TNFSF4: variants seen among roughly 807,000 people sequenced by gnomAD.
TNFSF4 encodes TNF superfamily member 4.
In TNFSF4, 4 loss-of-function variants were observed where a neutral mutation model predicts 7.3. The ratio of observed to expected loss-of-function variants is 0.55; its 90% CI spans 0.27 to 1.25. TNFSF4 has a LOEUF of 1.25. Among genes scored for constraint, TNFSF4 ranks in the 50% most tolerant of loss-of-function variants. The pLI is 0.12. For synonymous variants in TNFSF4, 76 were observed against 83.7 expected, an observed-to-expected ratio of 0.91 and a Z score of 0.50; for missense variants, 181 against 208.8, an observed-to-expected ratio of 0.87 and a Z score of 0.82.
At chr1:173,310,027 TTTTTCC>T in the TNFSF4 span, among the ~76,000 whole-genome samples, 1 of 151,908 alleles carries the variant, frequency 6.6e-6, no homozygotes, top group Non-Finnish European at 1.5e-5. Context: ...TAATGTCACC[TTTTTCC>T]TTCCAATATT....
chr1:173,187,709 C>T (rs969239928), intron 2 of TNFSF4, among the ~76,000 whole-genome samples: 6 of 152,156 alleles, frequency 3.9e-5, no homozygotes, highest in Non-Finnish European at 7.4e-5. Context: ...GAGTAGGAGG[C>T]AGTGATAGAC....
the TNFSF4 span, among the ~76,000 whole-genome samples, chr1:173,412,466 G>C: frequency 5.3e-5 from 8 of 152,276 alleles, no homozygotes; most frequent in African/African-American, 1.9e-4. Flanking sequence ...TTTCTAAATA[G>C]AACAAATTAA....
the TNFSF4 span, among the ~76,000 whole-genome samples, chr1:173,378,284 C>A: frequency 6.6e-6 from 1 of 151,010 alleles, no homozygotes; most frequent in African/African-American, 2.4e-5. Flanking sequence ...CAGCAGGGTC[C>A]AGGGACCATT....
the TNFSF4 span, chr1:173,175,277 T>A: frequency 2.6e-5 from 4 of 152,244 alleles, no homozygotes; most frequent in Non-Finnish European, 5.9e-5. Flanking sequence ...CCTCCATTGA[T>A]TCTAAATCTT....
chr1:173,364,221 C>T, the TNFSF4 span, among the ~76,000 whole-genome samples: 1 of 67,012 alleles, frequency 1.5e-5, no homozygotes, highest in Non-Finnish European at 3.0e-5. Context: ...CTTAAGAAGA[C>T]TAGGTATATA....
At chr1:173,309,342 C>A in the TNFSF4 span, among the ~76,000 whole-genome samples, 1 of 151,642 alleles carries the variant, frequency 6.6e-6, no homozygotes, top group Non-Finnish European at 1.5e-5. Context: ...ATGATCTTTG[C>A]TATTTTTTTA....
intron 1 of TNFSF4, among the ~76,000 whole-genome samples, chr1:173,194,880 CAAAAAAAA>C (rs11406483): frequency 4.0e-5 from 3 of 74,342 alleles, no homozygotes; most frequent in Non-Finnish European, 8.2e-5. Flanking sequence ...GAACTTGTCT[CAAAAAAAA>C]AAAAAAAAAA....
chr1:173,345,184 T>A, the TNFSF4 span, among the ~76,000 whole-genome samples: 4 of 152,140 alleles, frequency 2.6e-5, no homozygotes, highest in Admixed American at 2.0e-4. Context: ...AAACCAAGAT[T>A]TTTGTCTTTT....
the TNFSF4 span, among the ~76,000 whole-genome samples, chr1:173,360,856 G>T: frequency 1.4e-4 from 21 of 152,170 alleles, no homozygotes; most frequent in African/African-American, 4.6e-4. Context: ...AAGAAAAGGT[G>T]CAAGGCAACA....
chr1:173,281,380 G>A, the TNFSF4 span, among the ~76,000 whole-genome samples: 1 of 152,050 alleles, frequency 6.6e-6, no homozygotes, highest in South Asian at 2.1e-4. Context: ...TAGTTCCTTA[G>A]GCAAGTTGTT....
the TNFSF4 span, among the ~76,000 whole-genome samples, chr1:173,273,331 T>C: frequency 6.6e-6 from 1 of 152,158 alleles, no homozygotes; most frequent in African/African-American, 2.4e-5. Flanking sequence ...TGATACGGAC[T>C]TTCTTCAAAC....
the TNFSF4 span, among the ~76,000 whole-genome samples, chr1:173,431,793 T>C: frequency 6.6e-6 from 1 of 152,184 alleles, no homozygotes; most frequent in Non-Finnish European, 1.5e-5. Context: ...TGGATTTCGA[T>C]CTTGGCCAAA....
chr1:173,293,073 A>T, the TNFSF4 span, among the ~76,000 whole-genome samples: 4 of 152,222 alleles, frequency 2.6e-5, no homozygotes, highest in Non-Finnish European at 5.9e-5. Flanking sequence ...TGCCCAAAGC[A>T]ATTTACTGAT....
chr1:173,262,598 CTTTTTTT>C, the TNFSF4 span, among the ~76,000 whole-genome samples: 26 of 105,040 alleles, frequency 2.5e-4, no homozygotes, highest in Non-Finnish European at 3.2e-4. Context: ...CCAAAAGATT[CTTTTTTT>C]TTTTTTTTTT....
the TNFSF4 span, among the ~76,000 whole-genome samples, chr1:173,329,469 C>G: frequency 1.3e-5 from 2 of 151,910 alleles, no homozygotes; most frequent in African/African-American, 4.8e-5. Flanking sequence ...GATGCAAAGC[C>G]CATGGTTAAG....
chr1:173,366,489 T>C, the TNFSF4 span, among the ~76,000 whole-genome samples: 3 of 151,670 alleles, frequency 2.0e-5, no homozygotes, highest in East Asian at 5.8e-4. Flanking sequence ...CATGGAGGGG[T>C]TGAAGGAAAC....
chr1:173,427,400 G>A, the TNFSF4 span, among the ~76,000 whole-genome samples: 5 of 152,252 alleles, frequency 3.3e-5, no homozygotes, highest in South Asian at 1.0e-3. Flanking sequence ...ATTCCACAAT[G>A]CACGGGAGAG....
chr1:173,299,751 T>C, the TNFSF4 span, among the ~76,000 whole-genome samples: 1 of 151,928 alleles, frequency 6.6e-6, no homozygotes, highest in Non-Finnish European at 1.5e-5. Flanking sequence ...AGAGTTAACC[T>C]GTTTCTCAGA....
the TNFSF4 span, among the ~76,000 whole-genome samples, chr1:173,431,318 G>A: frequency 6.6e-6 from 1 of 152,204 alleles, no homozygotes; most frequent in Admixed American, 6.5e-5. Context: ...CCTTCCTGAT[G>A]AAGGTCCTTA....
Sources: gnomAD v4.1 joint callset for allele counts (sites outside exome capture counted in the v4.1 genomes callset) on GRCh38, gnomAD v4.1.1 for gene constraint, MANE v1.5 for transcripts, NCBI Gene and HGNC (gene_info 2026-07-23, HGNC 2026-07-21) for gene names.